The following HAUS2 variants were observed in gnomAD, a reference collection of about 807,000 sequenced individuals.
HAUS2 encodes the protein HAUS augmin-like complex subunit 2.
Under a neutral mutation model 21.6 loss-of-function variants are expected in HAUS2, and 20 were observed. The observed-to-expected ratio is 0.93, with a 90% CI of 0.65 to 1.35. The LOEUF (loss-of-function observed/expected upper bound fraction) is 1.35, where lower values mean the gene tolerates loss of function less well. Among genes scored for constraint, HAUS2 ranks in the 40% most tolerant of loss-of-function variants. The probability of loss-of-function intolerance (pLI) is 0.00; values close to 1 mark genes in which losing one functional copy is unlikely to be tolerated. For synonymous variants in HAUS2, 113 were observed against 95.6 expected (o/e 1.18, Z -1.06); for missense variants, 297 against 280.7 (o/e 1.06, Z -0.42).
chr15:42,551,985 A>C (rs1369553860), intron 1 of HAUS2, among the ~76,000 whole-genome samples: 4 of 151,684 alleles, frequency 2.6e-5, no homozygotes, highest in African/African-American at 9.7e-5. Flanking sequence ...CTTTAAGCAA[A>C]CTTTATACAT....
At position 42,563,729 on chromosome 15, in the gene HAUS2, C is replaced by A; in HGVS notation, c.390-20C>A. On this transcript the variant is annotated intron_variant, in intron 4 of 5. Transcript: ENST00000260372. ...CAATTAAACTTTAAAAAATGGTTGA[C>A]TTTTTTCTTTCTCTTTCAGATATAT... The A allele has an allele frequency of 8.0e-7, 1 of 1,242,448 alleles. No homozygotes were observed. Among genetic ancestry groups the A allele is most frequent in the Non-Finnish European group, 1.2e-6 (1 of 845,218 alleles). 77.0% of individuals were successfully genotyped at this position (1,242,448 alleles called of 1,614,324 possible).
chr15:42,549,022 G>C, intron 1 of HAUS2, 57 bp downstream of exon 1: 3 of 1,103,510 alleles, frequency 2.7e-6, no homozygotes, highest in Non-Finnish European at 4.1e-6. Context: ...CAACAATATG[G>C]CTGTGAGTTG....
intron 1 of HAUS2, among the ~76,000 whole-genome samples, chr15:42,554,059 A>AT (rs1190505275): frequency 6.6e-6 from 1 of 152,200 alleles, no homozygotes; most frequent in Non-Finnish European, 1.5e-5. Flanking sequence ...TCCTTAGAGT[A>AT]TTAACTGGAT....
At chr15:42,557,508 A>ATACATTGTATACAATG (rs2057799532) in intron 1 of HAUS2, among the ~76,000 whole-genome samples, 1 of 119,182 alleles carries the variant, frequency 8.4e-6, no homozygotes, top group African/African-American at 3.0e-5. Flanking sequence ...TATATAATGT[A>ATACATTGTATACAATG]TATATTATAT....
rs2057929727 is a variant in HAUS2 at position 42,568,609 on chromosome 15, C to G, written c.*1793C>G. On this transcript the variant is annotated 3_prime_UTR_variant, in exon 6 of 6. Coordinates refer to ENST00000260372, the MANE Select transcript of HAUS2 (RefSeq NM_018097.3). ...AAAAGAGTCGTTCATGGTAGCTAAC[C>G]TGTGGTTTGTGCTGAAAACCTGCTT... The G allele has an allele frequency of 6.6e-6, 1 of 152,202 alleles. No homozygotes were observed. The highest frequency in any genetic ancestry group is 2.4e-5 in the African/African-American group (1 of 41,454). 9.4% of individuals were successfully genotyped at this position (152,202 alleles called of 1,614,324 possible).
chr15:42,561,728 T>A (rs2057855349), intron 4 of HAUS2: 1 of 215,124 alleles, frequency 4.6e-6, no homozygotes, highest in Non-Finnish European at 9.4e-6. Context: ...TGAGTTAATG[T>A]TGCCTATATG....
chr15:42,561,080 T>C (rs1267066776), intron 3 of HAUS2, among the ~76,000 whole-genome samples, 190 bp from the exon 4 acceptor site: 1 of 152,158 alleles, frequency 6.6e-6, no homozygotes, highest in African/African-American at 2.4e-5. Flanking sequence ...ATATTAGATA[T>C]ACAAAAACCG....
chr15:42,549,088 T>G, intron 1 of HAUS2, 123 bp downstream of exon 1: 2 of 613,958 alleles, frequency 3.3e-6, no homozygotes, highest in Non-Finnish European at 2.9e-6. Context: ...ACTAGAGTAA[T>G]AAGAGCCCCT....
intron 4 of HAUS2, chr15:42,561,732 C>G (rs118035810): frequency 0.015 from 3,080 of 205,628 alleles, 40 homozygotes; most frequent in Middle Eastern, 0.038. Context: ...TTAATGTTGC[C>G]TATATGTAAA....
intron 1 of HAUS2, among the ~76,000 whole-genome samples, chr15:42,556,122 A>AT (rs760982814): frequency 0.072 from 9,661 of 133,556 alleles, 613 homozygotes; most frequent in African/African-American, 0.17. Context: ...CGCCTGGCTA[A>AT]TTTTTTTTTT....
At chr15:42,549,291 G>A (rs74740411) in intron 1 of HAUS2, among the ~76,000 whole-genome samples, 2 of 152,194 alleles carry the variant, frequency 1.3e-5, no homozygotes, top group African/African-American at 4.8e-5. Flanking sequence ...TGTAAGGGCG[G>A]GGATGGGAAA....
intron 4 of HAUS2, 84 bp downstream of exon 4, chr15:42,561,486 A>G: frequency 1.2e-6 from 1 of 818,084 alleles, no homozygotes; most frequent in Non-Finnish European, 2.1e-6. Flanking sequence ...AGCAGAATTC[A>G]TAAAACAATT....
At chr15:42,565,606 G>A (rs1415579166) in intron 5 of HAUS2, among the ~76,000 whole-genome samples, 1 of 152,044 alleles carries the variant, frequency 6.6e-6, no homozygotes, top group Admixed American at 6.6e-5. Flanking sequence ...ATGCACCCTA[G>A]AACTTCAGAA....
At chr15:42,566,263 GTCAA>G (rs1162831593) in intron 5 of HAUS2, among the ~76,000 whole-genome samples, 1 of 152,088 alleles carries the variant, frequency 6.6e-6, no homozygotes, top group African/African-American at 2.4e-5. Flanking sequence ...GTAGTAAATG[GTCAA>G]TCATTTTTGA....
rs868193770 is a variant in HAUS2 at position 42,568,390 on chromosome 15, T to C, written c.*1574T>C. On this transcript the variant is annotated 3_prime_UTR_variant, in exon 6 of 6. Transcript: ENST00000260372. ...ATGGCAAGTGAGCATGAGAAAGATA[T>C]ATGGGTCTAAACTTAGCCTTTTATC... The C allele has an allele frequency of 6.6e-6, 1 of 152,304 alleles. No individual in the cohort carries two copies. Among genetic ancestry groups the C allele is most frequent in the South Asian group, 2.1e-4 (1 of 4,832 alleles). The allele number at this position is 152,304 out of a possible 1,614,324, so 9.4% of individuals were successfully genotyped here.
At chr15:42,560,668 G>GT in intron 3 of HAUS2, 2 of 578,626 alleles carry the variant, frequency 3.5e-6, no homozygotes, top group Non-Finnish European at 6.2e-6. Context: ...CCAGGCTGAA[G>GT]TACAGGTCGC....
intron 3 of HAUS2, chr15:42,560,816 C>T (rs183593002): frequency 7.7e-5 from 54 of 702,050 alleles, no homozygotes; most frequent in East Asian, 4.8e-4. Flanking sequence ...AGGCTGGTCT[C>T]GAACTCATGG....
intron 4 of HAUS2, among the ~76,000 whole-genome samples, chr15:42,562,324 A>G (rs564540548): frequency 2.9e-4 from 44 of 152,366 alleles, no homozygotes; most frequent in Middle Eastern, 3.4e-3. Flanking sequence ...GGCTGGGCAC[A>G]GTGGCTCATG....
rs2057806833 is a variant in HAUS2 at position 42,558,209 on chromosome 15, C to G, written c.105C>G (p.Asn35Lys). The change falls in exon 2 of 6, where the codon AAC becomes AAG. Residue 35 changes from asparagine (N) to lysine (K), a missense_variant. Transcript: ENST00000260372. ...TCATTTACCAATAGGAGATGTTAAA[C>G]ATGTCTAAGAAAACAGTTTCTTGTT... ...ASGMVNQEML[N>K]MSKKTVSCFV... The G allele has an allele frequency of 7.0e-7, 1 of 1,435,524 alleles. No homozygotes were observed. The highest frequency in any genetic ancestry group is 1.2e-5 in the South Asian group (1 of 84,010). The allele number at this position is 1,435,524 out of a possible 1,614,324, so 88.9% of individuals were successfully genotyped here.
Sources: allele counts gnomAD v4.1 joint callset (sites outside exome capture counted in the v4.1 genomes callset), GRCh38; gene constraint gnomAD v4.1.1; transcripts MANE v1.5; gene names NCBI Gene and HGNC (gene_info 2026-07-23, HGNC 2026-07-21).